The following GRM1 variants were observed in gnomAD, a reference collection of about 807,000 sequenced individuals.
The protein encoded by GRM1 is glutamate metabotropic receptor 1.
In GRM1, 33 loss-of-function variants were observed where a neutral mutation model predicts 90.9. That is an observed-to-expected ratio of 0.36 (90% CI 0.28 to 0.49). The LOEUF (loss-of-function observed/expected upper bound fraction) is 0.49. Among genes scored for constraint, GRM1 ranks in the 20% least tolerant of loss-of-function variants. The pLI is 0.99. For missense variants in GRM1, 1,190 were observed against 1,534.3 expected (o/e 0.78, Z 3.75); for synonymous variants, 700 against 613.2 (o/e 1.14, Z -2.09).
Position 146,399,347 on chromosome 6 carries a change from T to C in GRM1, c.2308T>C (p.Tyr770His). 6.2e-7 allele frequency: 1 copy of C among 1,614,174 alleles called. No individual in the cohort carries two copies. Among genetic ancestry groups the C allele is most frequent in the Non-Finnish European group, 8.5e-7 (1 of 1,180,016 alleles). ...NGLLIMSCTY[Y>H]AFKTRNVPAN... Reference sequence around the variant, plus strand: ...ACTCCTCATCATGAGCTGTACCTACTATGCCTTCAAGACCCGCAACGTGCC... The same window carrying C: ...ACTCCTCATCATGAGCTGTACCTACCATGCCTTCAAGACCCGCAACGTGCC... The change falls in exon 7 of 8, where the codon TAT (tyrosine) becomes CAT (histidine). Residue 770 changes from tyrosine to histidine, a missense_variant. Tyr to His is a moderately conservative substitution (Grantham distance 83). Around this residue, in one of 10 missense-constraint regions of GRM1, gnomAD observed 73 missense variants for 150.6 expected, o/e 0.48. Transcript: ENST00000282753. This position sits in a 1 kb window ranked among gnomAD's most constrained non-coding sequence, Gnocchi z 5.4.
intron 7 of GRM1, among the ~76,000 whole-genome samples, chr6:146,427,634 C>G (rs970622182): frequency 3.3e-5 from 5 of 152,186 alleles, no homozygotes; most frequent in Non-Finnish European, 7.3e-5. Context: ...ATTCCTCATA[C>G]AAACCCAAAT....
chr6:146,232,855 C>T (rs1206937146), intron 2 of GRM1, among the ~76,000 whole-genome samples: 3 of 151,998 alleles, frequency 2.0e-5, no homozygotes, highest in Non-Finnish European at 4.4e-5. Context: ...CATTCCATAA[C>T]AGTGTCATTC....
intron 5 of GRM1, among the ~76,000 whole-genome samples, chr6:146,380,386 T>G (rs912845489): frequency 6.7e-6 from 1 of 150,356 alleles, no homozygotes; most frequent in African/African-American, 2.5e-5. Flanking sequence ...CTTTGGCATC[T>G]TTCCAAAGGT....
At chr6:146,360,101 A>G (rs1016550265) in intron 5 of GRM1, among the ~76,000 whole-genome samples, 1 of 152,180 alleles carries the variant, frequency 6.6e-6, no homozygotes, top group East Asian at 1.9e-4. Context: ...GTCAAGATAT[A>G]AGAGAAACAG....
chr6:146,366,718 GT>G (rs1218113846), intron 5 of GRM1, among the ~76,000 whole-genome samples: 2 of 151,954 alleles, frequency 1.3e-5, no homozygotes, highest in Admixed American at 1.3e-4. Context: ...ATATGTCTAG[GT>G]TTTTTTCCCC....
intron 3 of GRM1, among the ~76,000 whole-genome samples, chr6:146,313,460 G>T (rs929898553): frequency 6.6e-6 from 1 of 152,084 alleles, no homozygotes; most frequent in Non-Finnish European, 1.5e-5. Flanking sequence ...ATCTATTTAG[G>T]TTAGTATCTA....
intron 2 of GRM1, among the ~76,000 whole-genome samples, chr6:146,197,002 C>G (rs756072623): frequency 5.3e-5 from 8 of 152,150 alleles, no homozygotes; most frequent in Non-Finnish European, 1.2e-4. Context: ...GACCTACACC[C>G]ATAAGAAGTT....
Position 146,304,806 on chromosome 6 carries a change from A to C in GRM1, c.1146A>C (p.Gly382=). The C allele has an allele frequency of 6.2e-7, 1 of 1,613,960 alleles. No individual in the cohort carries two copies. The highest frequency in any genetic ancestry group is 1.1e-5 in the South Asian group (1 of 91,078). ...ATCGGTTCCAGTGCCGCCTTCCAGG[A>C]CACCTTCTGGAAAATCCCAACTTTA... ...WQHRFQCRLP[G]HLLENPNFKR... Residue 382 remains glycine, a synonymous_variant, in exon 3 of 8, where the codon GGA becomes GGC. Transcript: ENST00000282753.
At chr6:146,355,635 A>G (rs1042548823) in intron 4 of GRM1, among the ~76,000 whole-genome samples, 1 of 152,132 alleles carries the variant, frequency 6.6e-6, no homozygotes, top group African/African-American at 2.4e-5. Context: ...AGAAAACCCA[A>G]TCAACTGACA....
chr6:146,190,979 C>T (rs1338757166), intron 2 of GRM1, among the ~76,000 whole-genome samples: 1 of 152,072 alleles, frequency 6.6e-6, no homozygotes, highest in East Asian at 1.9e-4. Flanking sequence ...AAGATTGGAC[C>T]CTAGACCACC....
intron 2 of GRM1, among the ~76,000 whole-genome samples, chr6:146,217,043 A>C (rs1779895972): frequency 6.6e-6 from 1 of 152,170 alleles, no homozygotes; most frequent in South Asian, 2.1e-4. Context: ...GTCTATCACT[A>C]TGTTATAAAA....
chr6:146,308,213 A>G (rs570610254), intron 3 of GRM1, among the ~76,000 whole-genome samples: 2 of 152,344 alleles, frequency 1.3e-5, no homozygotes, highest in South Asian at 2.1e-4. Context: ...ACTGGGTCCA[A>G]TACCAGTTCA....
intron 1 of GRM1, among the ~76,000 whole-genome samples, chr6:146,098,115 T>C (rs925813718): frequency 6.6e-6 from 1 of 152,202 alleles, no homozygotes; most frequent in Non-Finnish European, 1.5e-5. Flanking sequence ...GGAATGATTA[T>C]TTTAGCTGAT....
At chr6:146,395,160 A>G (rs1354923749) in intron 6 of GRM1, among the ~76,000 whole-genome samples, 1 of 152,098 alleles carries the variant, frequency 6.6e-6, no homozygotes, top group Non-Finnish European at 1.5e-5. Context: ...AAGATCCATA[A>G]TTATGTTGAT....
intron 6 of GRM1, among the ~76,000 whole-genome samples, chr6:146,397,440 C>T (rs1048003998): frequency 7.5e-6 from 1 of 133,374 alleles, no homozygotes; most frequent in Non-Finnish European, 1.5e-5. Context: ...CGCCACTGCA[C>T]TCCAGCCTGG....
Position 146,339,568 on chromosome 6 carries a change from T to A in GRM1, c.1187-12682T>A, listed in dbSNP as rs1205956283. Among the ~76,000 whole-genome samples the A allele has an allele frequency of 1.3e-5, 2 of 152,240 alleles. 1 individual carries two copies. The highest frequency in any genetic ancestry group is 4.1e-4 in the South Asian group (2 of 4,836). ...TTGAATATTCTTAAATGTATTGTAG[T>A]CACCATCAATAATAATCATGCTTCA... On this transcript the variant is annotated intron_variant, in intron 3 of 7. Coordinates refer to ENST00000282753, the MANE Select transcript of GRM1 (RefSeq NM_001278064.2).
chr6:146,270,478 T>C (rs1412140931), intron 2 of GRM1, among the ~76,000 whole-genome samples: 2 of 152,130 alleles, frequency 1.3e-5, no homozygotes, highest in Non-Finnish European at 2.9e-5. Context: ...CCCTAGTTAA[T>C]GTTTATAGGG....
intron 2 of GRM1, among the ~76,000 whole-genome samples, chr6:146,210,217 G>A (rs983668603): frequency 6.6e-6 from 1 of 152,110 alleles, no homozygotes; most frequent in Non-Finnish European, 1.5e-5. Context: ...AGAAAACCAA[G>A]TCACGGAAGC....
intron 2 of GRM1, among the ~76,000 whole-genome samples, chr6:146,173,051 T>C (rs1048304609): frequency 3.9e-5 from 6 of 152,040 alleles, no homozygotes; most frequent in African/African-American, 9.7e-5. Context: ...AATAAACGGA[T>C]TCAGAAGCAG....
Sources: gnomAD v4.1 joint callset for allele counts (sites outside exome capture counted in the v4.1 genomes callset) on GRCh38, gnomAD v4.1.1 for gene constraint, gnomAD v4.1.1 regional missense constraint, Gnocchi (gnomAD v3.1) non-coding constraint, MANE v1.5 for transcripts, NCBI Gene and HGNC (gene_info 2026-07-23, HGNC 2026-07-21) for gene names.